The following TTYH2 variants were observed in gnomAD, a reference collection of about 807,000 sequenced individuals.
The protein encoded by TTYH2 is tweety family member 2.
Under a neutral mutation model 68.3 loss-of-function variants are expected in TTYH2, and 49 were observed. The observed-to-expected ratio is 0.72, with a 90% CI of 0.57 to 0.91. The LOEUF (loss-of-function observed/expected upper bound fraction) is 0.91, where lower values mean the gene tolerates loss of function less well. Among genes scored for constraint, TTYH2 ranks in the 40% least tolerant of loss-of-function variants. TTYH2 has a pLI of 0.00. For missense variants in TTYH2, 631 were observed against 700.4 expected, an observed-to-expected ratio of 0.90 and a Z score of 1.12; for synonymous variants, 272 against 300.8, an observed-to-expected ratio of 0.90 and a Z score of 0.99.
intron 2 of TTYH2, among the ~76,000 whole-genome samples, chr17:74,229,423 G>A (rs1374840997): frequency 6.6e-6 from 1 of 152,068 alleles, no homozygotes; most frequent in African/African-American, 2.4e-5. Flanking sequence ...CAAATAAAAT[G>A]TCCTGTAGAA....
At chr17:74,230,074 T>C (rs2143735257) in intron 2 of TTYH2, among the ~76,000 whole-genome samples, 1 of 152,112 alleles carries the variant, frequency 6.6e-6, no homozygotes, top group Admixed American at 6.6e-5. Flanking sequence ...GGGGTTACAG[T>C]GAGCTGAGAT....
intron 2 of TTYH2, among the ~76,000 whole-genome samples, chr17:74,227,626 T>C (rs1008828244): frequency 1.6e-4 from 25 of 152,174 alleles, no homozygotes; most frequent in African/African-American, 5.3e-4. Context: ...TTAACTGGGT[T>C]CAAAGCTAGT....
At chr17:74,250,432 T>A in intron 10 of TTYH2, 75 bp downstream of exon 10, 1 of 1,302,608 alleles carries the variant, frequency 7.7e-7, no homozygotes, top group African/African-American at 1.5e-5. Flanking sequence ...GAAAAGCCGG[T>A]AGAGGCCGAG....
At chr17:74,221,440 AC>A (rs199606610) in intron 1 of TTYH2, among the ~76,000 whole-genome samples, 1,524 of 151,358 alleles carry the variant, frequency 0.01, 15 homozygotes, top group Non-Finnish European at 0.017. Context: ...GCTGATTGCC[AC>A]CCCCTGCATA....
intron 4 of TTYH2, among the ~76,000 whole-genome samples, chr17:74,238,171 C>T (rs1332928632): frequency 6.6e-6 from 1 of 152,200 alleles, no homozygotes; most frequent in Non-Finnish European, 1.5e-5. Flanking sequence ...GGAAACGCCA[C>T]ATGCTTCATA....
chr17:74,260,338 C>A lies in TTYH2; in HGVS notation c.*129C>A. On this transcript the variant is annotated 3_prime_UTR_variant, in exon 14 of 14. Coordinates refer to ENST00000269346, the MANE Select transcript of TTYH2 (RefSeq NM_032646.6). ...GAGGCCTCCTGCTGTGGCAGAGGAGCAGCTGGGATTCCCGACCAAAGCCCC... is the reference window on the plus strand; with the variant it reads ...GAGGCCTCCTGCTGTGGCAGAGGAGAAGCTGGGATTCCCGACCAAAGCCCC... The A allele has an allele frequency of 2.1e-6, 2 of 941,006 alleles. No homozygotes were observed. The highest frequency in any genetic ancestry group is 3.3e-6 in the Non-Finnish European group (2 of 605,542). 58.3% of individuals were successfully genotyped at this position (941,006 alleles called of 1,614,324 possible). A position where few individuals can be genotyped will look rare whatever the true frequency, so the allele number is the denominator to read the frequency against.
intron 10 of TTYH2, among the ~76,000 whole-genome samples, chr17:74,251,645 C>T (rs2050630661): frequency 7.1e-6 from 1 of 141,212 alleles, no homozygotes; most frequent in Non-Finnish European, 1.6e-5. Context: ...CTCCAGCAGA[C>T]AGTGGCCTCT....
At chr17:74,257,080 A>G (rs1464308772) in intron 13 of TTYH2, 3 of 152,220 alleles carry the variant, frequency 2.0e-5, no homozygotes, top group South Asian at 2.1e-4. Flanking sequence ...TCTAAGCACA[A>G]CGTAATTAGG....
intron 6 of TTYH2, among the ~76,000 whole-genome samples, chr17:74,244,884 TTG>T (rs1047535236): frequency 8.3e-6 from 1 of 121,024 alleles, no homozygotes; most frequent in African/African-American, 3.9e-5. Context: ...GTGTGTGTGT[TTG>T]TGTGTGTGTG....
rs1274550090 is a variant in TTYH2, at chr17:74,241,591, C to T, written c.636-1783C>T. 6.6e-6 allele frequency among the ~76,000 whole-genome samples: 1 copy of T among 152,084 alleles called. No homozygotes were observed. The highest frequency in any genetic ancestry group is 2.4e-5 in the African/African-American group (1 of 41,394). ...AGCTTGCTCCCTCCCCTCTCTCCCTCGGAGCCTCTTTGCCACTTTCTGCCA... is the reference window on the plus strand; with the variant it reads ...AGCTTGCTCCCTCCCCTCTCTCCCTTGGAGCCTCTTTGCCACTTTCTGCCA... On this transcript the variant is annotated intron_variant, in intron 4 of 13. Transcript: ENST00000269346. The surrounding 1 kb of genome is among the most constrained non-coding windows in gnomAD (Gnocchi z 4.1).
chr17:74,244,573 T>C (rs1232398067), intron 6 of TTYH2, among the ~76,000 whole-genome samples: 1 of 150,472 alleles, frequency 6.6e-6, no homozygotes, highest in East Asian at 1.9e-4. Context: ...TGTATGTTTC[T>C]GGATGTGATG....
chr17:74,215,609 C>T lies in TTYH2; in HGVS notation c.129+1893C>T. The T allele has an allele frequency of 6.5e-7, 1 of 1,535,060 alleles. No individual in the cohort carries two copies. Among genetic ancestry groups the T allele is most frequent in the Non-Finnish European group, 8.7e-7 (1 of 1,146,608 alleles). ...CCCTGCCCACTGGCTCCTGGTCCCG[C>T]TCACCCCCTCACCACCACTCAGATC... On this transcript the variant is annotated intron_variant, in intron 1 of 13. Transcript: ENST00000269346. This position sits in a 1 kb window ranked among gnomAD's most constrained non-coding sequence, Gnocchi z 4.3.
chr17:74,247,479 G>T lies in TTYH2; in HGVS notation c.805-1532G>T, dbSNP rs576623234. ...CTATCCCAGGAGATGGAGGCTCCAG[G>T]GTGGCCAAGGGGTGTGAAGAGCAGG... is the stretch of plus-strand genomic sequence containing the variant. On this transcript the variant is annotated intron_variant, in intron 6 of 13. Transcript: ENST00000269346. 9.2e-5 allele frequency among the ~76,000 whole-genome samples: 14 copies of T among 152,302 alleles called. No homozygotes were observed. In the South Asian group the frequency reaches 2.9e-3, roughly 32 times the overall value.
rs73356665 is a variant in TTYH2, at chr17:74,250,825, T to G, written c.1116+468T>G. 4.0e-3 allele frequency: 618 copies of G among 154,954 alleles called. 4 individuals are homozygous for G. Among genetic ancestry groups the G allele is most frequent in the African/African-American group, 0.014 (600 of 41,612 alleles). The allele number at this position is 154,954 out of a possible 1,614,324, so 9.6% of individuals were successfully genotyped here. On this transcript the variant is annotated intron_variant, in intron 10 of 13. Coordinates refer to ENST00000269346, the MANE Select transcript of TTYH2 (RefSeq NM_032646.6). ...CACCCAAAAGCAGTGAGCCAGTGTA[T>G]GGCGACAGCTTTCACATCCCAGATG...
intron 4 of TTYH2, among the ~76,000 whole-genome samples, chr17:74,238,911 T>C (rs1033449021): frequency 1.3e-5 from 2 of 151,798 alleles, no homozygotes; most frequent in Non-Finnish European, 2.9e-5. Context: ...GGGTCTTGCT[T>C]TGTTGCCCAG....
Position 74,217,766 on chromosome 17 carries a change from G to T in TTYH2, c.129+4050G>T, listed in dbSNP as rs2050235186. Among the ~76,000 whole-genome samples, 1 of 152,198 alleles carries T rather than the reference G, an allele frequency of 6.6e-6. No individual in the cohort carries two copies. Among genetic ancestry groups the T allele is most frequent in the East Asian group, 1.9e-4 (1 of 5,186 alleles). Reference sequence around the variant, plus strand: ...CCTGCCCAGTGCAGAAGCCCCTTGGGTCCCGCTGCCATGGTCACTGCGGCC... The same window carrying T: ...CCTGCCCAGTGCAGAAGCCCCTTGGTTCCCGCTGCCATGGTCACTGCGGCC... On this transcript the variant is annotated intron_variant, in intron 1 of 13. Coordinates refer to ENST00000269346, the MANE Select transcript of TTYH2 (RefSeq NM_032646.6). The surrounding 1 kb of genome is among the most constrained non-coding windows in gnomAD (Gnocchi z 4.0).
intron 1 of TTYH2, among the ~76,000 whole-genome samples, chr17:74,219,337 C>T (rs899099635): frequency 5.4e-5 from 8 of 147,358 alleles, no homozygotes; most frequent in Non-Finnish European, 7.4e-5. Context: ...TGCAGTGAGC[C>T]GAGATTGTAC....
At chr17:74,253,952 T>A (rs572161709) in intron 13 of TTYH2, 119 bp downstream of exon 13, 25 of 1,110,344 alleles carry the variant, frequency 2.3e-5, no homozygotes, top group Middle Eastern at 3.9e-4. Context: ...TTATTGAATA[T>A]GCACTAAACC....
chr17:74,236,534 C>T (rs1447943949), intron 3 of TTYH2, among the ~76,000 whole-genome samples: 3 of 152,192 alleles, frequency 2.0e-5, no homozygotes, highest in African/African-American at 7.2e-5. Context: ...TGAATGCATA[C>T]GTTTATTCCA....
Sources: gnomAD v4.1 joint callset for allele counts (sites outside exome capture counted in the v4.1 genomes callset) on GRCh38, gnomAD v4.1.1 for gene constraint, Gnocchi (gnomAD v3.1) non-coding constraint, MANE v1.5 for transcripts, NCBI Gene and HGNC (gene_info 2026-07-23, HGNC 2026-07-21) for gene names.